Variants in EPHB1 observed in about 807,000 individuals in gnomAD.
EPHB1 encodes ephrin type-B receptor 1.
In EPHB1, 30 loss-of-function variants were observed where a neutral mutation model predicts 94.4. That is an observed-to-expected ratio of 0.32 (90% CI 0.24 to 0.43). The LOEUF (loss-of-function observed/expected upper bound fraction) is 0.43, where lower values mean the gene tolerates loss of function less well. Ranked by LOEUF, EPHB1 falls within the 20% of genes least tolerant of loss-of-function variation. The pLI is 1.00. For missense variants in EPHB1, 1,055 were observed against 1,308.3 expected (o/e 0.81, Z 2.99); for synonymous variants, 522 against 489.1 (o/e 1.07, Z -0.89).
intron 1 of EPHB1, among the ~76,000 whole-genome samples, chr3:134,824,706 G>T (rs896118180): frequency 2.0e-5 from 3 of 152,138 alleles, no homozygotes; most frequent in Admixed American, 1.3e-4. Context: ...TTTTTACCTG[G>T]ATCTCTAGGG....
chr3:134,823,365 G>A (rs779531366), intron 1 of EPHB1, among the ~76,000 whole-genome samples: 3 of 152,170 alleles, frequency 2.0e-5, no homozygotes, highest in African/African-American at 7.2e-5. Context: ...TGTCATCGTG[G>A]TCCCCTCAGT....
Position 135,166,926 on chromosome 3 carries a change from CT to C in EPHB1, c.1695-15del. 1 of 1,613,902 alleles carries C rather than the reference CT, an allele frequency of 6.2e-7. No individual in the cohort carries two copies. Among genetic ancestry groups the C allele is most frequent in the Non-Finnish European group, 8.5e-7 (1 of 1,179,864 alleles). On this transcript the variant is annotated splice_polypyrimidine_tract_variant and intron_variant, in intron 8 of 15. Transcript: ENST00000398015. ...GTGTGCCCTGTGGCTGAGAGAGCCC[CT>C]CTTTTTATCCACAGGAAACGGGCTT...
intron 15 of EPHB1, among the ~76,000 whole-genome samples, chr3:135,257,341 T>C (rs1201015422): frequency 1.3e-5 from 2 of 152,160 alleles, no homozygotes; most frequent in Admixed American, 1.3e-4. Flanking sequence ...TCCCCATCTT[T>C]GTGGTTTTAT....
chr3:135,135,771 G>T (rs1940599830), intron 5 of EPHB1, among the ~76,000 whole-genome samples: 1 of 152,180 alleles, frequency 6.6e-6, no homozygotes, highest in African/African-American at 2.4e-5. Flanking sequence ...GAGGAGTCCT[G>T]GGATCAATCA....
At chr3:135,183,026 TTTTCTTTCTTTCTTTCTTTCTTTCTTTC>T (rs373601553) in intron 10 of EPHB1, among the ~76,000 whole-genome samples, 9,892 of 93,846 alleles carry the variant, frequency 0.11, 563 homozygotes, top group African/African-American at 0.19. Context: ...TTTTCTTTTC[TTTTCTTTCTTTCTTTCTTTCTTTCTTTC>T]TTTCTTTCTT....
chr3:135,214,405 C>T (rs1943096028), intron 12 of EPHB1, among the ~76,000 whole-genome samples: 1 of 152,220 alleles, frequency 6.6e-6, no homozygotes. Flanking sequence ...TGGTACTGCT[C>T]TAGGGCACCA....
At chr3:135,185,291 A>AAATCCCCAAATTGGC (rs1942300338) in intron 10 of EPHB1, among the ~76,000 whole-genome samples, 1 of 152,216 alleles carries the variant, frequency 6.6e-6, no homozygotes, top group African/African-American at 2.4e-5. Flanking sequence ...GATTTGGCAG[A>AAATCCCCAAATTGGC]AAGGTCACTT....
intron 1 of EPHB1, among the ~76,000 whole-genome samples, chr3:134,830,112 T>C (rs1384848390): frequency 6.6e-6 from 1 of 152,136 alleles, no homozygotes; most frequent in African/African-American, 2.4e-5. Context: ...ATTTCTCCAG[T>C]GTTAGCATTT....
chr3:134,824,264 A>G (rs1033966015), intron 1 of EPHB1, among the ~76,000 whole-genome samples: 1 of 150,142 alleles, frequency 6.7e-6, no homozygotes, highest in African/African-American at 2.5e-5. Context: ...AATGAGGCGG[A>G]GCCAGTCGGG....
chr3:135,257,922 G>A (rs1188091180), intron 15 of EPHB1, among the ~76,000 whole-genome samples: 1 of 151,556 alleles, frequency 6.6e-6, no homozygotes. Flanking sequence ...GTGGTGCGCC[G>A]TGTTTTAAGC....
chr3:135,177,868 C>T (rs1014585053), intron 9 of EPHB1, among the ~76,000 whole-genome samples: 21 of 152,168 alleles, frequency 1.4e-4, no homozygotes, highest in Non-Finnish European at 2.9e-5. Flanking sequence ...GACTGGCACC[C>T]CCATCTCCAT....
chr3:135,191,338 G>A (rs991361762), intron 10 of EPHB1, among the ~76,000 whole-genome samples: 1 of 152,148 alleles, frequency 6.6e-6, no homozygotes, highest in East Asian at 1.9e-4. Context: ...CTTTCACACA[G>A]CTTCCTTCCA....
chr3:135,044,860 A>T (rs1159539737), intron 3 of EPHB1, among the ~76,000 whole-genome samples: 2 of 151,988 alleles, frequency 1.3e-5, no homozygotes, highest in African/African-American at 2.4e-5. Context: ...ATTATAGTAT[A>T]GAAATGTTTT....
chr3:135,241,333 CA>C, intron 13 of EPHB1, 36 bp downstream of exon 13: 1 of 1,611,892 alleles, frequency 6.2e-7, no homozygotes, highest in Non-Finnish European at 8.5e-7. Context: ...CACAAACCCC[CA>C]TTGAAGGGAT....
At chr3:135,096,925 G>C (rs567724443) in intron 3 of EPHB1, among the ~76,000 whole-genome samples, 1 of 151,816 alleles carries the variant, frequency 6.6e-6, no homozygotes, top group South Asian at 2.1e-4. Context: ...GTGAAACCCC[G>C]TCTCTACTTA....
At chr3:135,046,461 A>G (rs1937002538) in intron 3 of EPHB1, among the ~76,000 whole-genome samples, 1 of 151,068 alleles carries the variant, frequency 6.6e-6, no homozygotes, top group Non-Finnish European at 1.5e-5. Flanking sequence ...TCGTCTTAAC[A>G]TCTATAAAAA....
In EPHB1 at chr3:135,169,666, AG is replaced by A. The variant is rs1171575222; in HGVS notation, c.1759+2665del. ...TGATGGAGGGAGGGCCTGGCCAAAG[AG>A]GGGGTAGGGGTAGAAGTAAGGGGTT... is the stretch of plus-strand genomic sequence containing the variant. On this transcript the variant is annotated intron_variant, in intron 9 of 15. Coordinates refer to ENST00000398015, the MANE Select transcript of EPHB1 (RefSeq NM_004441.5). Among the ~76,000 whole-genome samples, 4 of 152,146 alleles carry A rather than the reference AG, an allele frequency of 2.6e-5. No individual in the cohort carries two copies. In the East Asian group the frequency reaches 5.8e-4, roughly 22 times the overall value.
chr3:135,138,008 T>A (rs1940682701), intron 5 of EPHB1, among the ~76,000 whole-genome samples: 1 of 152,226 alleles, frequency 6.6e-6, no homozygotes, highest in Non-Finnish European at 1.5e-5. Flanking sequence ...CCTAGGTACC[T>A]GCCATTGGAT....
intron 1 of EPHB1, among the ~76,000 whole-genome samples, chr3:134,843,843 A>G (rs774592530): frequency 5.3e-5 from 8 of 152,212 alleles, no homozygotes; most frequent in Non-Finnish European, 1.0e-4. Context: ...GAGCATATTT[A>G]TAAGAGCTAC....
Sources: gnomAD v4.1 joint callset for allele counts (sites outside exome capture counted in the v4.1 genomes callset) on GRCh38, gnomAD v4.1.1 for gene constraint, MANE v1.5 for transcripts, NCBI Gene and HGNC (gene_info 2026-07-23, HGNC 2026-07-21) for gene names.